The following MLF1 variants were observed in gnomAD, a reference collection of about 807,000 sequenced individuals.
MLF1 encodes myelodysplasia-myeloid leukemia factor 1.
MLF1 carries 37 observed loss-of-function variants against 38.3 expected under a neutral mutation model. The observed-to-expected ratio is 0.96, with a 90% confidence interval of 0.74 to 1.27. The LOEUF (loss-of-function observed/expected upper bound fraction) is 1.27. MLF1 is among the 50% of genes most tolerant of loss of function. The pLI is 0.00. For missense variants in MLF1, 331 were observed against 349.2 expected, an observed-to-expected ratio of 0.95 and a Z score of 0.42; for synonymous variants, 95 against 106.5, an observed-to-expected ratio of 0.89 and a Z score of 0.66.
rs748767702 is a variant in MLF1, at chr3:158,598,162, C to G, written c.407C>G (p.Pro136Arg). 1.2e-6 allele frequency: 2 copies of G among 1,613,810 alleles called. No individual in the cohort carries two copies. Among genetic ancestry groups the G allele is most frequent in the Non-Finnish European group, 1.7e-6 (2 of 1,179,912 alleles). The change falls in exon 5 of 8, where the codon CCA becomes CGA. Residue 136 changes from proline to arginine, a missense_variant. Transcript: ENST00000466246. ...TATTCCAAAATAGGAGATGAACCGC[C>G]AAAGGTTTTTCAGGCCTCAACTCAA... is the stretch of plus-strand genomic sequence containing the variant. ...MTYSKIGDEP[P>R]KVFQASTQTR...
chr3:158,575,891 A>G (rs1560094880), intron 1 of MLF1, among the ~76,000 whole-genome samples: 1 of 152,174 alleles, frequency 6.6e-6, no homozygotes, highest in Non-Finnish European at 1.5e-5. Context: ...AGGTTATTCA[A>G]TATAAGCAAA....
chr3:158,572,279 G>A (rs1714570509), intron 1 of MLF1, among the ~76,000 whole-genome samples: 2 of 134,934 alleles, frequency 1.5e-5, no homozygotes, highest in African/African-American at 2.8e-5. Context: ...CGTGAGGTGG[G>A]GGGACGGTTT....
rs143366875 is a variant in MLF1, at chr3:158,598,181, A to G, written c.426A>G (p.Ser142=). 2.4e-3 allele frequency: 3,906 copies of G among 1,613,802 alleles called. 13 individuals carry two copies. In the Middle Eastern group the frequency reaches 0.03, roughly 12 times the overall value. Residue 142 remains serine (S), a synonymous_variant, in exon 5 of 8, where the codon TCA becomes TCG. Coordinates refer to ENST00000466246, the MANE Select transcript of MLF1 (RefSeq NM_001369783.1). ...GDEPPKVFQA[S]TQTRRAPGGI... The stretch of plus-strand genomic sequence containing the variant: ...AACCGCCAAAGGTTTTTCAGGCCTC[A>G]ACTCAAACTCGTCGAGCTCCAGGAG...
rs1719153552 is a variant in MLF1 at position 158,598,071 on chromosome 3, T to A, written c.325-9T>A. The A allele has an allele frequency of 6.2e-7, 1 of 1,610,144 alleles. No homozygotes were observed. Among genetic ancestry groups the A allele is most frequent in the South Asian group, 1.1e-5 (1 of 89,920 alleles). ...GACTCGACTGAATTTACAATTTGTTTACCTGTAGGGTCAACTTTCAGTGGA... is the reference window on the plus strand; with the variant it reads ...GACTCGACTGAATTTACAATTTGTTAACCTGTAGGGTCAACTTTCAGTGGA... On this transcript the variant is annotated splice_polypyrimidine_tract_variant and intron_variant, in intron 4 of 7. Transcript: ENST00000466246.
intron 2 of MLF1, among the ~76,000 whole-genome samples, 190 bp from the exon 3 acceptor site, chr3:158,593,192 T>C: frequency 6.6e-6 from 1 of 152,170 alleles, no homozygotes; most frequent in East Asian, 1.9e-4. Flanking sequence ...TTTGCCTCTT[T>C]TATTTCTTTT....
At position 158,592,530 on chromosome 3, in the gene MLF1, A is replaced by G. The variant is rs747134149; in HGVS notation, c.144A>G (p.Arg48=). 1 of 1,612,582 alleles carries G rather than the reference A, an allele frequency of 6.2e-7. No homozygotes were observed. Among genetic ancestry groups the G allele is most frequent in the South Asian group, 1.1e-5 (1 of 90,976 alleles). ...GRDLLSISDG[R]GRAHNRRGHN... is the part of the protein sequence containing the mutation. Reference sequence around the variant, plus strand: ...ACTTGCTCAGTATCTCTGATGGTAGAGGGAGAGCTCATAATCGTAGAGGAC... The same window carrying G: ...ACTTGCTCAGTATCTCTGATGGTAGGGGGAGAGCTCATAATCGTAGAGGAC... Residue 48 remains arginine (R), a synonymous_variant, in exon 2 of 8, where the codon AGA becomes AGG. Coordinates refer to ENST00000466246, the MANE Select transcript of MLF1 (RefSeq NM_001369783.1).
intron 2 of MLF1, 81 bp from the exon 3 acceptor site, chr3:158,593,301 C>A: frequency 9.1e-7 from 1 of 1,095,420 alleles, no homozygotes; most frequent in Non-Finnish European, 1.3e-6. Flanking sequence ...ATTTGAAATT[C>A]AGTAAACATT....
intron 1 of MLF1, among the ~76,000 whole-genome samples, chr3:158,573,138 C>T (rs1576634214): frequency 6.6e-6 from 1 of 151,470 alleles, no homozygotes; most frequent in East Asian, 1.9e-4. Context: ...TATAGCATGA[C>T]AGTTCATTGA....
intron 1 of MLF1, 164 bp downstream of exon 1, chr3:158,571,511 G>A: frequency 1.2e-6 from 1 of 807,236 alleles, no homozygotes; most frequent in East Asian, 2.7e-5. Context: ...AGGGAAGAGA[G>A]AGGAGGATTT....
rs1479038123 is a variant in MLF1, at chr3:158,571,212, A to AC, written c.-88dup. 4 of 1,052,184 alleles carry AC rather than the reference A, an allele frequency of 3.8e-6. No individual in the cohort carries two copies. The East Asian group carries it at 7.2e-5, about 19-fold the overall frequency. 65.2% of individuals were successfully genotyped at this position (1,052,184 alleles called of 1,614,324 possible). On this transcript the variant is annotated 5_prime_UTR_variant, in exon 1 of 8. Coordinates refer to ENST00000466246, the MANE Select transcript of MLF1 (RefSeq NM_001369783.1). Reference sequence around the variant, plus strand: ...CCGCGGCGAGTGAGGCGTCGTCCGTACTGGAGGCTAGCTCTTGTCGCGGCC... The same window carrying AC: ...CCGCGGCGAGTGAGGCGTCGTCCGTACCTGGAGGCTAGCTCTTGTCGCGGCC...
At chr3:158,593,497 C>G in intron 3 of MLF1, 71 bp downstream of exon 3, 4 of 1,265,770 alleles carry the variant, frequency 3.2e-6, no homozygotes, top group Admixed American at 2.2e-5. Flanking sequence ...TTAACTCAAG[C>G]TGACTGAATT....
chr3:158,588,967 G>C (rs372750470), intron 1 of MLF1: 3 of 448,194 alleles, frequency 6.7e-6, no homozygotes, highest in East Asian at 7.1e-5. Context: ...AGAAAACCAA[G>C]TATAGTTTAA....
chr3:158,600,921 G>A (rs1385509175), intron 6 of MLF1, among the ~76,000 whole-genome samples: 1 of 150,850 alleles, frequency 6.6e-6, no homozygotes. Flanking sequence ...TCTTCTCCCT[G>A]TAGTTTTTAA....
intron 3 of MLF1, among the ~76,000 whole-genome samples, chr3:158,594,826 T>A (rs1718655199): frequency 6.6e-6 from 1 of 152,156 alleles, no homozygotes; most frequent in East Asian, 1.9e-4. Context: ...AAGGCATTGA[T>A]TCAGTACAGA....
chr3:158,595,502 T>C (rs765699184), intron 3 of MLF1, among the ~76,000 whole-genome samples: 1 of 152,174 alleles, frequency 6.6e-6, no homozygotes, highest in Non-Finnish European at 1.5e-5. Context: ...TCTCTCTTTT[T>C]ATCCTTCTTT....
In MLF1 at chr3:158,573,038, T is replaced by C. The variant is rs375868320; in HGVS notation, c.47+1691T>C. 5.0e-4 allele frequency among the ~76,000 whole-genome samples: 76 copies of C among 151,810 alleles called. No individual in the cohort carries two copies. The South Asian group carries it at 0.012, about 24-fold the overall frequency. ...ATAACTACCATCTCGGTGAAACTTATGGTGAGAATTATGTTCACATAATTG... is the reference window on the plus strand; with the variant it reads ...ATAACTACCATCTCGGTGAAACTTACGGTGAGAATTATGTTCACATAATTG... On this transcript the variant is annotated intron_variant, in intron 1 of 7. Transcript: ENST00000466246.
In MLF1 at chr3:158,605,761, A is replaced by G. The variant is rs897403164; in HGVS notation, c.*559A>G. On this transcript the variant is annotated 3_prime_UTR_variant, in exon 8 of 8. Transcript: ENST00000466246. The stretch of plus-strand genomic sequence containing the variant: ...GTTACTATTTTGATAAAGGGCAAGG[A>G]TAATCAAATAGTTCATTTTCAGAGA... The G allele has an allele frequency of 1.1e-5, 2 of 181,788 alleles. No individual in the cohort carries two copies. Among genetic ancestry groups the G allele is most frequent in the African/African-American group, 4.7e-5 (2 of 42,504 alleles). The allele number at this position is 181,788 out of a possible 1,614,324, so 11.3% of individuals were successfully genotyped here.
At chr3:158,600,572 T>TCATA (rs1719599052) in intron 6 of MLF1, among the ~76,000 whole-genome samples, 1 of 150,834 alleles carries the variant, frequency 6.6e-6, no homozygotes, top group African/African-American at 2.4e-5. Context: ...CCTAATCATT[T>TCATA]TATATATATA....
At chr3:158,583,104 T>C (rs1223094195) in intron 1 of MLF1, among the ~76,000 whole-genome samples, 1 of 152,208 alleles carries the variant, frequency 6.6e-6, no homozygotes, top group Non-Finnish European at 1.5e-5. Context: ...CTCAGTAATT[T>C]CCAGCAGCAA....
Sources: allele counts gnomAD v4.1 joint callset (sites outside exome capture counted in the v4.1 genomes callset), GRCh38; gene constraint gnomAD v4.1.1; transcripts MANE v1.5; gene names NCBI Gene and HGNC (gene_info 2026-07-23, HGNC 2026-07-21).